PCDH15: variants seen among roughly 807,000 people sequenced by gnomAD.
PCDH15 encodes protocadherin-15.
PCDH15 carries 129 observed loss-of-function variants against 178.5 expected under a neutral mutation model. The ratio of observed to expected loss-of-function variants is 0.72; its 90% CI spans 0.63 to 0.84. The LOEUF (loss-of-function observed/expected upper bound fraction) is 0.84. PCDH15 is among the 40% of genes least tolerant of loss of function. The pLI, the probability that PCDH15 is intolerant of heterozygous loss-of-function variation, is 0.00. For missense variants in PCDH15, 2,230 were observed against 2,099.9 expected (o/e 1.06, Z -1.21); for synonymous variants, 800 against 732.0 (o/e 1.09, Z -1.50).
intron 5 of PCDH15, among the ~76,000 whole-genome samples, chr10:54,363,576 A>G (rs1054422797): frequency 6.6e-5 from 10 of 152,162 alleles, no homozygotes; most frequent in Admixed American, 6.6e-4. Flanking sequence ...ATCTTTCTCA[A>G]CATGATTTTT....
At chr10:55,264,575 T>C (rs570653721) in intron 1 of PCDH15, among the ~76,000 whole-genome samples, 2 of 152,176 alleles carry the variant, frequency 1.3e-5, no homozygotes, top group African/African-American at 2.4e-5. Context: ...TATCACACCC[T>C]GGGTTTTCAC....
At chr10:54,091,172 T>C (rs1328719629) in intron 15 of PCDH15, among the ~76,000 whole-genome samples, 1 of 152,096 alleles carries the variant, frequency 6.6e-6, no homozygotes. Context: ...ATAAAAGACA[T>C]GGATAAAGAA....
chr10:54,545,671 A>T (rs2085765279), intron 2 of PCDH15, among the ~76,000 whole-genome samples: 1 of 152,180 alleles, frequency 6.6e-6, no homozygotes, highest in Admixed American at 6.5e-5. Flanking sequence ...TGGGATCTAT[A>T]GCAATATAGA....
At chr10:55,337,519 A>C (rs891723259) in intron 2 of PCDH15, among the ~76,000 whole-genome samples, 1 of 152,202 alleles carries the variant, frequency 6.6e-6, no homozygotes, top group African/African-American at 2.4e-5. Context: ...AAGGAATCGG[A>C]TATTAACTGT....
At chr10:55,087,466 T>G (rs927048717) in intron 2 of PCDH15, among the ~76,000 whole-genome samples, 9 of 152,208 alleles carry the variant, frequency 5.9e-5, no homozygotes, top group Admixed American at 2.6e-4. Flanking sequence ...TGACAGGTGC[T>G]ATTTTTGGTA....
intron 8 of PCDH15, among the ~76,000 whole-genome samples, chr10:54,258,078 T>G (rs1481382744): frequency 6.6e-6 from 1 of 152,108 alleles, no homozygotes; most frequent in Non-Finnish European, 1.5e-5. Context: ...CTCTCATTCT[T>G]TTTTGGGATC....
At chr10:54,056,511 C>A (rs2093891354) in intron 18 of PCDH15, among the ~76,000 whole-genome samples, 1 of 152,146 alleles carries the variant, frequency 6.6e-6, no homozygotes, top group Non-Finnish European at 1.5e-5. Context: ...ATAAAACCAT[C>A]AGATCTTGAG....
At chr10:54,309,140 CT>C (rs1487467422) in intron 8 of PCDH15, among the ~76,000 whole-genome samples, 3 of 151,860 alleles carry the variant, frequency 2.0e-5, no homozygotes, top group Non-Finnish European at 4.4e-5. Flanking sequence ...ATTTAGAACA[CT>C]ATTAAAAACA....
chr10:54,933,963 C>T (rs1212012933), intron 2 of PCDH15, among the ~76,000 whole-genome samples: 1 of 152,120 alleles, frequency 6.6e-6, no homozygotes, highest in African/African-American at 2.4e-5. Flanking sequence ...CAGTTATTTG[C>T]ATTCTTGCTT....
chr10:54,756,169 G>A lies in PCDH15; in HGVS notation c.-29+44756C>T, dbSNP rs902848417. Among the ~76,000 whole-genome samples the A allele has an allele frequency of 2.6e-5, 4 of 151,954 alleles. No homozygotes were observed. In the East Asian group the frequency reaches 7.7e-4, roughly 29 times the overall value. Reference sequence around the variant, plus strand: ...GGAGGCTGAGGCAGGAGAATAGTTTGAGCCCGGGAGGCAGAGTTTGCAGTG... The same window carrying A: ...GGAGGCTGAGGCAGGAGAATAGTTTAAGCCCGGGAGGCAGAGTTTGCAGTG... On this transcript the variant is annotated intron_variant, in intron 1 of 37. Transcript: ENST00000644397.
At chr10:55,427,080 G>A (rs1838775900) in intron 2 of PCDH15, among the ~76,000 whole-genome samples, 4 of 151,886 alleles carry the variant, frequency 2.6e-5, no homozygotes, top group South Asian at 2.1e-4. Flanking sequence ...CATATTTTTC[G>A]GATTGAGGGT....
chr10:54,188,289 C>T (rs2048657339), intron 11 of PCDH15, among the ~76,000 whole-genome samples: 1 of 151,806 alleles, frequency 6.6e-6, no homozygotes, highest in Non-Finnish European at 1.5e-5. Flanking sequence ...TGTATATTTG[C>T]AACTCTTTTA....
chr10:54,239,641 ATAAAT>A (rs887070440), intron 8 of PCDH15, among the ~76,000 whole-genome samples: 3 of 152,040 alleles, frequency 2.0e-5, no homozygotes, highest in African/African-American at 7.2e-5. Context: ...TTATTAATAA[ATAAAT>A]TATAGTATTG....
chr10:53,857,259 G>C lies in PCDH15; in HGVS notation c.3722C>G (p.Ser1241Cys). 6.2e-7 allele frequency: 1 copy of C among 1,609,880 alleles called. No individual in the cohort carries two copies. Among genetic ancestry groups the C allele is most frequent in the South Asian group, 1.1e-5 (1 of 90,950 alleles). ...GLSGKADVLVSVVNQLDMQVI... is the reference protein window; with the variant it reads ...GLSGKADVLVCVVNQLDMQVI... ...TTGCATATCCAGCTGATTGACCACGGAGACCTGAAAGAAGAAAAAACAGAA... is the reference window on the plus strand; with the variant it reads ...TTGCATATCCAGCTGATTGACCACGCAGACCTGAAAGAAGAAAAAACAGAA... Residue 1241 changes from serine to cysteine, a missense_variant, in exon 28 of 38, where the codon TCC (serine) becomes TGC (cysteine). Ser to Cys is a moderately radical substitution (Grantham distance 112). Coordinates refer to ENST00000644397, the MANE Select transcript of PCDH15 (RefSeq NM_001384140.1).
At chr10:55,143,074 TGCTCGC>T (rs1055123604) in intron 2 of PCDH15, among the ~76,000 whole-genome samples, 1 of 152,100 alleles carries the variant, frequency 6.6e-6, no homozygotes, top group Non-Finnish European at 1.5e-5. Flanking sequence ...GCACTTCCCC[TGCTCGC>T]GCTCGCGCTC....
At chr10:54,018,829 A>C (rs1475126416) in intron 20 of PCDH15, among the ~76,000 whole-genome samples, 2 of 150,610 alleles carry the variant, frequency 1.3e-5, no homozygotes, top group African/African-American at 2.5e-5. Flanking sequence ...TTAACATAGA[A>C]ACTTGATATC....
At chr10:55,093,416 T>G (rs1328764045) in intron 2 of PCDH15, among the ~76,000 whole-genome samples, 8 of 152,004 alleles carry the variant, frequency 5.3e-5, no homozygotes, top group Admixed American at 5.3e-4. Context: ...GATGGGTAGA[T>G]TTTCTGTAGT....
Position 54,023,016 on chromosome 10 carries a change from G to A in PCDH15, c.2402C>T (p.Ser801Leu), listed in dbSNP as rs1422687788. Reference sequence around the variant, plus strand: ...AACCTTGATGGCCAAGGTTAGAGTTGAATGACGAGGGTGTACTGCTCCATC... The same window carrying A: ...AACCTTGATGGCCAAGGTTAGAGTTAAATGACGAGGGTGTACTGCTCCATC... ...ATDGAVHPRH[S>L]TLTLAIKVLD... The change falls in exon 19 of 38, where the codon TCA becomes TTA. Residue 801 changes from serine (S) to leucine (L), a missense_variant. Coordinates refer to ENST00000644397, the MANE Select transcript of PCDH15 (RefSeq NM_001384140.1). 1 of 1,613,940 alleles carries A rather than the reference G, an allele frequency of 6.2e-7. No homozygotes were observed. Among genetic ancestry groups the A allele is most frequent in the Admixed American group, 1.7e-5 (1 of 59,994 alleles).
chr10:53,915,257 T>C (rs1339281802), intron 25 of PCDH15, among the ~76,000 whole-genome samples: 1 of 152,086 alleles, frequency 6.6e-6, no homozygotes, highest in Non-Finnish European at 1.5e-5. Context: ...ATTTAGAAAA[T>C]AAATTATTAA....
Sources: gnomAD v4.1 joint callset for allele counts (sites outside exome capture counted in the v4.1 genomes callset) on GRCh38, gnomAD v4.1.1 for gene constraint, MANE v1.5 for transcripts, NCBI Gene and HGNC (gene_info 2026-07-23, HGNC 2026-07-21) for gene names.